The following OPHN1 variants were observed in gnomAD, a reference collection of about 807,000 sequenced individuals.
The protein encoded by OPHN1 is oligophrenin-1.
A neutral mutation model predicts 60.7 loss-of-function variants in OPHN1; 11 were observed. That is an observed-to-expected ratio of 0.18 (90% CI 0.11 to 0.30). OPHN1 has a LOEUF of 0.30. Ranked by LOEUF, OPHN1 falls within the 10% of genes least tolerant of loss-of-function variation. The pLI is 1.00. For missense variants in OPHN1, 449 were observed against 611.0 expected, an observed-to-expected ratio of 0.73 and a Z score of 2.80; for synonymous variants, 226 against 222.6, an observed-to-expected ratio of 1.02 and a Z score of -0.14.
At position 68,281,727 on chromosome X, in the gene OPHN1, GA is replaced by G. The variant is rs1256294207; in HGVS notation, c.312+1328del. On this transcript the variant is annotated intron_variant, in intron 4 of 24. Coordinates refer to ENST00000355520, the MANE Select transcript of OPHN1 (RefSeq NM_002547.3). ...AAAGAACTCTTAAAACTTAACAAAA[GA>G]AAATCAATTTAATAATAGGCAAAAG... Among the ~76,000 whole-genome samples, 4 of 112,272 alleles carry G rather than the reference GA, an allele frequency of 3.6e-5. No individual in the cohort carries two copies. In the East Asian group the frequency reaches 1.1e-3, roughly 31 times the overall value.
intron 19 of OPHN1, among the ~76,000 whole-genome samples, chrX:68,081,592 G>A (rs1296552358): frequency 8.9e-6 from 1 of 111,838 alleles, no homozygotes; most frequent in East Asian, 2.8e-4. Flanking sequence ...CTGTAGTCTA[G>A]TAAGTGTGCA....
At chrX:68,143,820 T>C (rs1034853265) in intron 15 of OPHN1, among the ~76,000 whole-genome samples, 2 of 111,858 alleles carry the variant, frequency 1.8e-5, no homozygotes, top group Non-Finnish European at 3.8e-5. Context: ...AACATCGCTC[T>C]ATGTGCCTTT....
chrX:68,138,183 T>C (rs1386911232), intron 15 of OPHN1, among the ~76,000 whole-genome samples: 1 of 112,016 alleles, frequency 8.9e-6, no homozygotes, highest in Non-Finnish European at 1.9e-5. Flanking sequence ...CAACTCTCCA[T>C]AGATGTGTTA....
At chrX:68,082,554 T>G (rs993712401) in intron 19 of OPHN1, among the ~76,000 whole-genome samples, 3 of 112,684 alleles carry the variant, frequency 2.7e-5, no homozygotes, top group Non-Finnish European at 5.6e-5. Context: ...ACATTGTTAA[T>G]GGGCAGTGAT....
intron 20 of OPHN1, among the ~76,000 whole-genome samples, chrX:68,067,555 C>T (rs1602134207): frequency 2.7e-5 from 3 of 110,527 alleles, no homozygotes; most frequent in South Asian, 3.9e-4. Flanking sequence ...GGGTTCATTA[C>T]GAAAAGTAAT....
At chrX:68,407,994 A>G (rs1055311428) in intron 2 of OPHN1, among the ~76,000 whole-genome samples, 2 of 112,230 alleles carry the variant, frequency 1.8e-5, no homozygotes, top group Admixed American at 1.9e-4. Context: ...GTTTAGAGAC[A>G]AGGTCTCACT....
chrX:68,212,556 GC>G (rs2077589349), intron 7 of OPHN1, among the ~76,000 whole-genome samples: 1 of 111,592 alleles, frequency 9.0e-6, no homozygotes, highest in African/African-American at 3.3e-5. Flanking sequence ...CTGCACTCTA[GC>G]CTGGGACAGA....
chrX:68,173,350 C>G (rs1253545494), intron 15 of OPHN1, among the ~76,000 whole-genome samples: 1 of 111,600 alleles, frequency 9.0e-6, no homozygotes, highest in African/African-American at 3.3e-5. Flanking sequence ...ACTGACACAC[C>G]TATATCTCCC....
chrX:68,137,999 T>C (rs1256058783), intron 15 of OPHN1, among the ~76,000 whole-genome samples: 6 of 111,913 alleles, frequency 5.4e-5, no homozygotes, highest in Admixed American at 3.8e-4. Context: ...GGTCACCCCA[T>C]GGGGTCCTAA....
chrX:68,299,644 C>T (rs895598781), intron 2 of OPHN1, among the ~76,000 whole-genome samples: 3 of 111,425 alleles, frequency 2.7e-5, no homozygotes, highest in South Asian at 7.6e-4. Context: ...ATCTGGAAGA[C>T]GAAGACTCCT....
intron 2 of OPHN1, among the ~76,000 whole-genome samples, chrX:68,415,125 C>T (rs2147780619): frequency 9.0e-6 from 1 of 111,331 alleles, no homozygotes; most frequent in African/African-American, 3.3e-5. Context: ...GAGTTGACTC[C>T]ATGACCTCTC....
intron 15 of OPHN1, among the ~76,000 whole-genome samples, chrX:68,150,117 T>A (rs962429700): frequency 2.7e-5 from 3 of 111,107 alleles, no homozygotes; most frequent in Middle Eastern, 4.6e-3. Flanking sequence ...CAGGGAAATT[T>A]ACAAAAAAAG....
At chrX:68,292,485 T>C (rs1308078532) in intron 3 of OPHN1, among the ~76,000 whole-genome samples, 1 of 111,868 alleles carries the variant, frequency 8.9e-6, no homozygotes, top group African/African-American at 3.3e-5. Flanking sequence ...GTAATAAAAT[T>C]TCATCAAGTC....
chrX:68,357,701 T>C (rs4827416), intron 2 of OPHN1, among the ~76,000 whole-genome samples: 33,159 of 109,596 alleles, frequency 0.3, 7,490 homozygotes, highest in African/African-American at 0.79. Context: ...TGAATAGTGC[T>C]GCAATAAACA....
chrX:68,333,852 A>G (rs2078308289), intron 2 of OPHN1, among the ~76,000 whole-genome samples: 1 of 108,497 alleles, frequency 9.2e-6, no homozygotes, highest in African/African-American at 3.4e-5. Flanking sequence ...ACTCTTAAGG[A>G]CCAATGTTGG....
At chrX:68,083,105 G>A (rs1253565891) in intron 19 of OPHN1, among the ~76,000 whole-genome samples, 29 of 68,951 alleles carry the variant, frequency 4.2e-4, no homozygotes, top group African/African-American at 1.4e-3. Context: ...TCGCTCTGTC[G>A]CCCAGGCCGG....
At chrX:68,291,223 G>A (rs1446405302) in intron 3 of OPHN1, among the ~76,000 whole-genome samples, 1 of 111,730 alleles carries the variant, frequency 9.0e-6, no homozygotes, top group African/African-American at 3.3e-5. Flanking sequence ...AGCTCAGAGT[G>A]AAAGATTACT....
chrX:68,353,660 A>C (rs1482996191), intron 2 of OPHN1, among the ~76,000 whole-genome samples: 2 of 111,637 alleles, frequency 1.8e-5, no homozygotes, highest in Non-Finnish European at 3.8e-5. Flanking sequence ...CTTTTGTAGA[A>C]TATTAAAGCA....
chrX:68,388,020 TA>T (rs1286953580), intron 2 of OPHN1, among the ~76,000 whole-genome samples: 2 of 108,456 alleles, frequency 1.8e-5, no homozygotes, highest in African/African-American at 6.7e-5. Flanking sequence ...TAAGCAAAGA[TA>T]GGGGTCAGAA....
Sources: gnomAD v4.1 joint callset for allele counts (sites outside exome capture counted in the v4.1 genomes callset) on GRCh38, gnomAD v4.1.1 for gene constraint, MANE v1.5 for transcripts, NCBI Gene and HGNC (gene_info 2026-07-23, HGNC 2026-07-21) for gene names.